XK: variants seen among roughly 807,000 people sequenced by gnomAD.
XK encodes endoplasmic reticulum membrane adapter protein XK.
A neutral mutation model predicts 14.0 loss-of-function variants in XK; 2 were observed. The observed-to-expected ratio is 0.14, with a 90% confidence interval of 0.06 to 0.45. The LOEUF (loss-of-function observed/expected upper bound fraction) is 0.45. Among genes scored for constraint, XK ranks in the 20% least tolerant of loss-of-function variants. The pLI is 0.98. For missense variants in XK, 235 were observed against 341.5 expected (o/e 0.69, Z 2.46); for synonymous variants, 149 against 147.5 (o/e 1.01, Z -0.08).
intron 2 of XK, among the ~76,000 whole-genome samples, chrX:37,702,913 T>C (rs1927442129): frequency 8.9e-6 from 1 of 112,436 alleles, no homozygotes; most frequent in Non-Finnish European, 1.9e-5. Flanking sequence ...TGAACTGATA[T>C]GTGGTTGTAT....
At chrX:37,692,573 T>C (rs782358166) in intron 1 of XK, among the ~76,000 whole-genome samples, 1 of 111,647 alleles carries the variant, frequency 9.0e-6, no homozygotes, top group Admixed American at 9.5e-5. Context: ...GCTAATTTTT[T>C]AATTTTTAGT....
At chrX:37,691,216 C>T (rs918953148) in intron 1 of XK, among the ~76,000 whole-genome samples, 4 of 112,498 alleles carry the variant, frequency 3.6e-5, no homozygotes, top group Non-Finnish European at 5.6e-5. Context: ...CCTTCCTTCG[C>T]ATCAAGAAAA....
At chrX:37,707,038 C>T (rs1556445333) in intron 2 of XK, among the ~76,000 whole-genome samples, 1 of 112,836 alleles carries the variant, frequency 8.9e-6, no homozygotes, top group African/African-American at 3.2e-5. Context: ...CTTCTTTCTA[C>T]ACAGACACAG....
chrX:37,698,543 CAAAAAAAA>C (rs35497516), intron 2 of XK, among the ~76,000 whole-genome samples: 33 of 27,003 alleles, frequency 1.2e-3, no homozygotes, highest in Middle Eastern at 0.027. Flanking sequence ...GACCTTGCCT[CAAAAAAAA>C]AAAAAAAAAA....
rs782184204 is a variant in XK at position 37,693,908 on chromosome X, A to G, written c.246-378A>G. On this transcript the variant is annotated intron_variant, in intron 1 of 2. Coordinates refer to ENST00000378616, the MANE Select transcript of XK (RefSeq NM_021083.4). ...ATTATATCTGCTTTATAGTGGAGGG[A>G]ATGTGCTGGGGTGGGGATAGTAGGT... Among the ~76,000 whole-genome samples the G allele has an allele frequency of 6.7e-4, 75 of 111,802 alleles. 1 individual carries two copies. Among genetic ancestry groups the G allele is most frequent in the Non-Finnish European group, 1.3e-3 (67 of 53,069 alleles).
At chrX:37,691,254 G>A (rs1420905798) in intron 1 of XK, among the ~76,000 whole-genome samples, 3 of 111,959 alleles carry the variant, frequency 2.7e-5, no homozygotes, top group Admixed American at 9.5e-5. Context: ...CCCTCATTTC[G>A]TTCATTCAGT....
chrX:37,697,540 T>G (rs1289870272), intron 2 of XK, among the ~76,000 whole-genome samples: 3 of 112,268 alleles, frequency 2.7e-5, no homozygotes, highest in Non-Finnish European at 5.6e-5. Flanking sequence ...AACTCTCTCC[T>G]CTCTCTCTGA....
intron 2 of XK, among the ~76,000 whole-genome samples, chrX:37,711,099 G>T (rs1468488951): frequency 8.9e-6 from 1 of 112,118 alleles, no homozygotes; most frequent in East Asian, 2.8e-4. Context: ...TAAATCCATG[G>T]ATGTGTTTCT....
At chrX:37,697,626 G>A (rs1927327746) in intron 2 of XK, among the ~76,000 whole-genome samples, 1 of 112,216 alleles carries the variant, frequency 8.9e-6, no homozygotes, top group Non-Finnish European at 1.9e-5. Context: ...GGGAGAGCCA[G>A]CTACATGGTC....
At position 37,728,375 on chromosome X, in the gene XK, C is replaced by T; in HGVS notation, c.1248C>T (p.Ser416=). The change falls in exon 3 of 3, where the codon TCC becomes TCT. Residue 416 remains serine (S), a synonymous_variant. Coordinates refer to ENST00000378616, the MANE Select transcript of XK (RefSeq NM_021083.4). ...EPIGKEDLQS[S]RDRDETPSSS... ...TAGGAAAGGAAGATCTACAGTCATC[C>T]AGAGATAGAGATGAGACACCTTCTA... The T allele has an allele frequency of 8.3e-7, 1 of 1,210,496 alleles. No homozygotes were observed. The highest frequency in any genetic ancestry group is 1.1e-6 in the Non-Finnish European group (1 of 895,336).
intron 2 of XK, among the ~76,000 whole-genome samples, chrX:37,696,552 A>T (rs1353878202): frequency 8.9e-6 from 1 of 112,706 alleles, no homozygotes; most frequent in East Asian, 2.8e-4. Flanking sequence ...CTTAACATAT[A>T]TAAGGAGGGA....
intron 2 of XK, among the ~76,000 whole-genome samples, chrX:37,698,006 A>G (rs1451263477): frequency 2.7e-5 from 3 of 112,056 alleles, no homozygotes; most frequent in Non-Finnish European, 5.6e-5. Flanking sequence ...GCATCCTGAG[A>G]TTCCCTGAGT....
In XK at chrX:37,727,764, C is replaced by T. The variant is rs1928006873; in HGVS notation, c.637C>T (p.Leu213=). 8.3e-7 allele frequency: 1 copy of T among 1,209,376 alleles called. No homozygotes were observed. Among genetic ancestry groups the T allele is most frequent in the African/African-American group, 1.8e-5 (1 of 56,965 alleles). The change falls in exon 3 of 3, where the codon CTG becomes TTG. Residue 213 remains leucine, a synonymous_variant. Coordinates refer to ENST00000378616, the MANE Select transcript of XK (RefSeq NM_021083.4). ...GCCTCTGGCCTATGTCTGTATCTTC[C>T]TGTGGAGGAGCTTTGAGATTGCCAC... The part of the protein sequence containing the change: ...VKPLAYVCIF[L]WRSFEIATRV...
intron 2 of XK, among the ~76,000 whole-genome samples, chrX:37,708,670 A>G (rs1415398647): frequency 8.9e-6 from 1 of 112,673 alleles, no homozygotes; most frequent in Non-Finnish European, 1.9e-5. Context: ...ATTTGTTTCA[A>G]TGAAATATTT....
At chrX:37,707,781 G>A (rs576438651) in intron 2 of XK, among the ~76,000 whole-genome samples, 13 of 112,260 alleles carry the variant, frequency 1.2e-4, no homozygotes, top group African/African-American at 2.6e-4. Context: ...AGGCAGAGAC[G>A]CTCCTCACTT....
chrX:37,694,471 C>A lies in XK; in HGVS notation c.431C>A (p.Ala144Asp). The A allele has an allele frequency of 8.4e-7, 1 of 1,190,845 alleles. No homozygotes were observed. The highest frequency in any genetic ancestry group is 1.1e-6 in the Non-Finnish European group (1 of 883,500). The change falls in exon 2 of 3, where the codon GCT becomes GAT. Residue 144 changes from alanine (A) to aspartate (D), a missense_variant. By Grantham distance (126) the Ala-to-Asp change is moderately radical. Transcript: ENST00000378616. ...SAFSRASVIQAFLGSAPQLTL... is the reference protein window; with the variant it reads ...SAFSRASVIQDFLGSAPQLTL... ...TTCAGCCGGGCGTCGGTGATCCAGGCTTTCTTGGGCTCAGCCCCCCAGCTG... is the reference window on the plus strand; with the variant it reads ...TTCAGCCGGGCGTCGGTGATCCAGGATTTCTTGGGCTCAGCCCCCCAGCTG...
At chrX:37,705,407 G>C (rs1442925263) in intron 2 of XK, among the ~76,000 whole-genome samples, 1 of 108,993 alleles carries the variant, frequency 9.2e-6, no homozygotes. Flanking sequence ...AGCCGAGCTC[G>C]CGCCACTGGA....
At position 37,722,117 on chromosome X, in the gene XK, G is replaced by A. The variant is rs144224180; in HGVS notation, c.509-5519G>A. ...AAACTTTTTAAAATTGACTGGTGATGGTTGCACTTATATGCGAATATTTAA... is the reference window on the plus strand; with the variant it reads ...AAACTTTTTAAAATTGACTGGTGATAGTTGCACTTATATGCGAATATTTAA... On this transcript the variant is annotated intron_variant, in intron 2 of 2. Transcript: ENST00000378616. Among the ~76,000 whole-genome samples, 665 of 111,538 alleles carry A rather than the reference G, an allele frequency of 6.0e-3. 4 individuals are homozygous for A. Among genetic ancestry groups the A allele is most frequent in the African/African-American group, 0.02 (631 of 30,853 alleles).
At chrX:37,701,222 T>C (rs1239620906) in intron 2 of XK, among the ~76,000 whole-genome samples, 7 of 112,523 alleles carry the variant, frequency 6.2e-5, no homozygotes, top group Non-Finnish European at 1.3e-4. Flanking sequence ...GAAAAAATAA[T>C]CTGTGTATGA....
Sources: allele counts gnomAD v4.1 joint callset (sites outside exome capture counted in the v4.1 genomes callset), GRCh38; gene constraint gnomAD v4.1.1; transcripts MANE v1.5; gene names NCBI Gene and HGNC (gene_info 2026-07-23, HGNC 2026-07-21).